NCK2: variants seen among roughly 807,000 people sequenced by gnomAD.
The protein encoded by NCK2 is NCK adaptor protein 2.
A neutral mutation model predicts 33.9 loss-of-function variants in NCK2; 16 were observed. That is an observed-to-expected ratio of 0.47 (90% CI 0.32 to 0.72). The LOEUF is 0.72. NCK2 is among the 30% of genes least tolerant of loss of function. NCK2 has a pLI of 0.03. For missense variants in NCK2, 418 were observed against 537.3 expected, an observed-to-expected ratio of 0.78 and a Z score of 2.19; for synonymous variants, 273 against 239.9, an observed-to-expected ratio of 1.14 and a Z score of -1.27.
intron 1 of NCK2, among the ~76,000 whole-genome samples, chr2:105,771,502 T>C (rs1021719256): frequency 2.0e-5 from 3 of 152,118 alleles, no homozygotes; most frequent in African/African-American, 7.2e-5. Context: ...GAGGTGAATG[T>C]TGCAGTAAGC....
intron 2 of NCK2, among the ~76,000 whole-genome samples, chr2:105,820,100 C>T (rs1275259398): frequency 6.6e-6 from 1 of 152,090 alleles, no homozygotes; most frequent in South Asian, 2.1e-4. Flanking sequence ...GGAGATGTTA[C>T]GTTGGGAATA....
chr2:105,758,156 T>C (rs1454825092), intron 1 of NCK2, among the ~76,000 whole-genome samples: 1 of 152,154 alleles, frequency 6.6e-6, no homozygotes, highest in Non-Finnish European at 1.5e-5. Context: ...GGAATGCAGG[T>C]CTCAGGTAGC....
intron 1 of NCK2, among the ~76,000 whole-genome samples, chr2:105,764,867 C>G (rs1409162560): frequency 3.3e-5 from 5 of 152,110 alleles, no homozygotes; most frequent in Admixed American, 6.5e-5. Context: ...ACTAGTTTTT[C>G]AAATCCTTTT....
chr2:105,781,938 G>C (rs572369763), intron 1 of NCK2, among the ~76,000 whole-genome samples: 1 of 152,204 alleles, frequency 6.6e-6, no homozygotes, highest in South Asian at 2.1e-4. Flanking sequence ...ACTGAAATAG[G>C]TACATACAGC....
At chr2:105,769,719 G>A (rs1336237179) in intron 1 of NCK2, among the ~76,000 whole-genome samples, 2 of 152,220 alleles carry the variant, frequency 1.3e-5, no homozygotes, top group Non-Finnish European at 2.9e-5. Flanking sequence ...GCACTGTGCA[G>A]TACAGCCAGG....
At chr2:105,880,133 C>T (rs1678412311) in intron 3 of NCK2, among the ~76,000 whole-genome samples, 1 of 152,210 alleles carries the variant, frequency 6.6e-6, no homozygotes, top group African/African-American at 2.4e-5. Context: ...TCCTCATGCA[C>T]AGGAAGAAAT....
chr2:105,791,634 A>G (rs2376977), intron 1 of NCK2, among the ~76,000 whole-genome samples: 139,703 of 152,276 alleles, frequency 0.92, 64,128 homozygotes, highest in East Asian at 1. Context: ...AACTGACTCC[A>G]TAATAGATCT....
At chr2:105,870,805 G>A (rs993198340) in intron 3 of NCK2, among the ~76,000 whole-genome samples, 6 of 152,080 alleles carry the variant, frequency 3.9e-5, no homozygotes, top group African/African-American at 1.4e-4. Context: ...TTCCAGTCTG[G>A]GGAAATTCAG....
At chr2:105,811,164 A>C (rs984856737) in intron 1 of NCK2, among the ~76,000 whole-genome samples, 1 of 34,046 alleles carries the variant, frequency 2.9e-5, no homozygotes, top group African/African-American at 4.6e-5. Context: ...ACAGAGTGCA[A>C]AAAAAAAAAA....
intron 2 of NCK2, among the ~76,000 whole-genome samples, chr2:105,833,198 G>T (rs539589308): frequency 1.3e-5 from 2 of 151,850 alleles, no homozygotes; most frequent in East Asian, 1.9e-4. Flanking sequence ...GGATTCAAAC[G>T]ATTTTCCTGC....
chr2:105,766,335 C>T (rs1306442160), intron 1 of NCK2, among the ~76,000 whole-genome samples: 1 of 152,064 alleles, frequency 6.6e-6, no homozygotes, highest in African/African-American at 2.4e-5. Flanking sequence ...TTTTCTTCTT[C>T]TATTTAGGAA....
intron 1 of NCK2, among the ~76,000 whole-genome samples, chr2:105,794,007 T>C (rs369122268): frequency 1.3e-5 from 2 of 152,094 alleles, no homozygotes; most frequent in South Asian, 2.1e-4. Flanking sequence ...TTGATACTTA[T>C]AACTCAAAAT....
At chr2:105,892,415 C>T (rs1032409200) in intron 4 of NCK2, among the ~76,000 whole-genome samples, 1 of 152,238 alleles carries the variant, frequency 6.6e-6, no homozygotes, top group Non-Finnish European at 1.5e-5. Context: ...TTGCACTTTT[C>T]AAATAACTAA....
At chr2:105,784,743 G>A (rs907539663) in intron 1 of NCK2, among the ~76,000 whole-genome samples, 11 of 152,144 alleles carry the variant, frequency 7.2e-5, no homozygotes, top group African/African-American at 2.4e-4. Flanking sequence ...TGTCTGTTGA[G>A]GTCCATCCGT....
At chr2:105,785,039 C>T (rs1351349039) in intron 1 of NCK2, among the ~76,000 whole-genome samples, 3 of 152,168 alleles carry the variant, frequency 2.0e-5, no homozygotes, top group African/African-American at 7.2e-5. Flanking sequence ...AGTGCAGTGG[C>T]GCGATCTCAG....
intron 4 of NCK2, among the ~76,000 whole-genome samples, chr2:105,888,379 A>G (rs180938512): frequency 2.4e-4 from 36 of 152,384 alleles, no homozygotes; most frequent in Admixed American, 6.5e-4. Flanking sequence ...AGAAATTACT[A>G]TATACCAAGT....
At chr2:105,785,294 G>T (rs1690637953) in intron 1 of NCK2, among the ~76,000 whole-genome samples, 1 of 152,178 alleles carries the variant, frequency 6.6e-6, no homozygotes, top group Non-Finnish European at 1.5e-5. Flanking sequence ...GTCACTGGGA[G>T]CCGAGGTGGC....
chr2:105,755,341 G>C (rs1006684585), intron 1 of NCK2, among the ~76,000 whole-genome samples: 1 of 152,166 alleles, frequency 6.6e-6, no homozygotes, highest in Non-Finnish European at 1.5e-5. Flanking sequence ...GCTTTGCTGG[G>C]TAGAACTAAA....
chr2:105,889,839 G>T (rs1678899049), intron 4 of NCK2, among the ~76,000 whole-genome samples: 1 of 152,088 alleles, frequency 6.6e-6, no homozygotes, highest in Non-Finnish European at 1.5e-5. Context: ...TGCCACCATG[G>T]CATCCCAAAG....
Sources: gnomAD v4.1 joint callset for allele counts (sites outside exome capture counted in the v4.1 genomes callset) on GRCh38, gnomAD v4.1.1 for gene constraint, MANE v1.5 for transcripts, NCBI Gene and HGNC (gene_info 2026-07-23, HGNC 2026-07-21) for gene names.